The following C10orf67 variants were observed in gnomAD, a reference collection of about 807,000 sequenced individuals.
C10orf67 encodes chromosome 10 open reading frame 67.
Under a neutral mutation model 35.6 loss-of-function variants are expected in C10orf67, and 60 were observed. The observed-to-expected ratio is 1.68, with a 90% CI of 1.37 to 2.09. The LOEUF (loss-of-function observed/expected upper bound fraction) is 2.09. C10orf67 is among the 30% of genes most tolerant of loss of function. The probability of loss-of-function intolerance (pLI) is 0.00; values close to 1 mark genes in which losing one functional copy is unlikely to be tolerated. For synonymous variants in C10orf67, 167 were observed against 115.8 expected, an observed-to-expected ratio of 1.44 and a Z score of -2.84; for missense variants, 474 against 330.2, an observed-to-expected ratio of 1.44 and a Z score of -3.38.
intron 7 of C10orf67, among the ~76,000 whole-genome samples, chr10:23,283,977 G>A (rs1183937691): frequency 6.6e-6 from 1 of 151,900 alleles, no homozygotes; most frequent in Admixed American, 6.6e-5. Context: ...AGATACAGCT[G>A]GTATTTGATT....
At chr10:23,223,473 G>A in intron 15 of C10orf67, 125 bp downstream of exon 15, 1 of 659,020 alleles carries the variant, frequency 1.5e-6, no homozygotes, top group Non-Finnish European at 2.7e-6. Context: ...TTATAAAGTG[G>A]CTGAAAAAAG....
chr10:23,293,885 C>T (rs1843797577), intron 5 of C10orf67, among the ~76,000 whole-genome samples: 1 of 152,216 alleles, frequency 6.6e-6, no homozygotes, highest in Non-Finnish European at 1.5e-5. Context: ...CTCAGCATCA[C>T]CTGGGAACTG....
chr10:23,213,653 A>G (rs752601225), intron 15 of C10orf67, among the ~76,000 whole-genome samples: 5 of 152,212 alleles, frequency 3.3e-5, no homozygotes, highest in African/African-American at 7.2e-5. Context: ...ACTTCTAAAC[A>G]TACACATATA....
At chr10:23,271,319 T>G (rs1160113427) in intron 8 of C10orf67, among the ~76,000 whole-genome samples, 1 of 152,252 alleles carries the variant, frequency 6.6e-6, no homozygotes. Flanking sequence ...GCTCTATCTA[T>G]TAATGTATAC....
intron 7 of C10orf67, among the ~76,000 whole-genome samples, chr10:23,288,643 T>C (rs1843618274): frequency 6.6e-6 from 1 of 152,152 alleles, no homozygotes; most frequent in Non-Finnish European, 1.5e-5. Context: ...ATATCTTGAA[T>C]GGCAATATCA....
rs765022976 is a variant in C10orf67 at position 23,239,824 on chromosome 10, T to G, written c.1347-8A>C. 3.3e-6 allele frequency: 2 copies of G among 610,112 alleles called. No homozygotes were observed. Among genetic ancestry groups the G allele is most frequent in the African/African-American group, 1.8e-5 (1 of 56,310 alleles). The allele number at this position is 610,112 out of a possible 1,614,324, so 37.8% of individuals were successfully genotyped here. A position where few individuals can be genotyped will look rare whatever the true frequency, so the allele number is the denominator to read the frequency against. ...TTCTTAAGGACATGAAAGCTGAAATTTTAAAAATGATGAAACTTAAAATGT... is the reference window on the plus strand; with the variant it reads ...TTCTTAAGGACATGAAAGCTGAAATGTTAAAAATGATGAAACTTAAAATGT... On this transcript the variant is annotated splice_polypyrimidine_tract_variant and splice_region_variant and intron_variant, in intron 12 of 15. Coordinates refer to ENST00000636213, the MANE Select transcript of C10orf67 (RefSeq NM_001371909.1).
chr10:23,308,947 C>T (rs760786580), intron 4 of C10orf67, among the ~76,000 whole-genome samples: 7 of 152,098 alleles, frequency 4.6e-5, no homozygotes, highest in African/African-American at 1.7e-4. Flanking sequence ...CACCCACCCA[C>T]CTTCCACCCC....
chr10:23,226,333 A>G (rs1034761381), intron 13 of C10orf67, among the ~76,000 whole-genome samples: 2 of 152,208 alleles, frequency 1.3e-5, no homozygotes, highest in African/African-American at 2.4e-5. Flanking sequence ...CTGCTCCTGG[A>G]TGACTACTGG....
At chr10:23,249,131 C>CAAAAAAAAAAAAAAAAAAAAAAAAA (rs57702096) in intron 12 of C10orf67, among the ~76,000 whole-genome samples, 1 of 21,548 alleles carries the variant, frequency 4.6e-5, no homozygotes, top group Non-Finnish European at 9.8e-5. Context: ...AACTCCCTCT[C>CAAAAAAAAAAAAAAAAAAAAAAAAA]AAAAAAAAAA....
intron 8 of C10orf67, among the ~76,000 whole-genome samples, chr10:23,273,765 G>C (rs529249281): frequency 6.6e-6 from 1 of 152,180 alleles, no homozygotes. Context: ...GGCATATATT[G>C]CCAGTTCCTT....
At chr10:23,244,573 A>G (rs1842268223) in intron 12 of C10orf67, among the ~76,000 whole-genome samples, 1 of 152,218 alleles carries the variant, frequency 6.6e-6, no homozygotes, top group Admixed American at 6.5e-5. Context: ...CTATCCAAAA[A>G]GAAATTTTTT....
chr10:23,254,053 T>TG (rs1312860107), intron 10 of C10orf67, among the ~76,000 whole-genome samples: 2 of 152,232 alleles, frequency 1.3e-5, no homozygotes, highest in African/African-American at 4.8e-5. Flanking sequence ...GGTCTTTATG[T>TG]GGTCACTTCA....
Position 23,337,310 on chromosome 10 carries a change from G to C in C10orf67, c.207-4128C>G, listed in dbSNP as rs76710491. 1.4e-4 allele frequency among the ~76,000 whole-genome samples: 22 copies of C among 152,324 alleles called. No individual in the cohort carries two copies. In the East Asian group the frequency reaches 4.1e-3, roughly 28 times the overall value. On this transcript the variant is annotated intron_variant, in intron 1 of 15. Transcript: ENST00000636213. ...GCACTTTGGGAGGCTGAGGTGGGTG[G>C]GTCACTTGAGCTTAGGAGTTCGAGA...
Position 23,322,531 on chromosome 10 carries a change from T to C in C10orf67, c.334A>G (p.Lys112Glu). The part of the protein sequence containing the change: ...SSTQKLAQMM[K>E]SLQVDFGFLK... ...AACCCAAAATCTACCTGGAGGGATT[T>C]CATCATCTAAAAATGGAAAATATTA... Residue 112 changes from lysine to glutamate, a missense_variant, in exon 3 of 16, where the codon AAA (lysine) becomes GAA (glutamate). Coordinates refer to ENST00000636213, the MANE Select transcript of C10orf67 (RefSeq NM_001371909.1). 1 of 1,599,802 alleles carries C rather than the reference T, an allele frequency of 6.3e-7. No homozygotes were observed. The highest frequency in any genetic ancestry group is 1.3e-5 in the African/African-American group (1 of 74,598).
chr10:23,296,827 G>C (rs1312578960), intron 5 of C10orf67, among the ~76,000 whole-genome samples: 1 of 152,320 alleles, frequency 6.6e-6, no homozygotes, highest in South Asian at 2.1e-4. Context: ...GGATTGAAAT[G>C]TATGGCCTGC....
At chr10:23,223,084 T>G (rs1841629685) in intron 15 of C10orf67, among the ~76,000 whole-genome samples, 1 of 152,036 alleles carries the variant, frequency 6.6e-6, no homozygotes, top group South Asian at 2.1e-4. Context: ...TAACTATTTT[T>G]TTTTTTAAAT....
intron 1 of C10orf67, among the ~76,000 whole-genome samples, chr10:23,341,211 G>A (rs1404320162): frequency 6.6e-6 from 1 of 152,132 alleles, no homozygotes; most frequent in South Asian, 2.1e-4. Context: ...TGATACAGCC[G>A]AGCTGAACCT....
At chr10:23,344,240 G>A in intron 1 of C10orf67, 1 of 323,140 alleles carries the variant, frequency 3.1e-6, no homozygotes. Flanking sequence ...AAGGGGAGAG[G>A]GAAAGGAAGT....
At position 23,295,126 on chromosome 10, in the gene C10orf67, C is replaced by T. The variant is rs189994371; in HGVS notation, c.703-3847G>A. 3.9e-5 allele frequency among the ~76,000 whole-genome samples: 6 copies of T among 152,304 alleles called. No individual in the cohort carries two copies. The East Asian group carries it at 1.2e-3, about 29-fold the overall frequency. On this transcript the variant is annotated intron_variant, in intron 5 of 15. Transcript: ENST00000636213. ...GGAGAAATCCATACACCCCGTTAAT[C>T]AGAATCACCTCACCTTCCTCAAATA...
Sources: allele counts gnomAD v4.1 joint callset (sites outside exome capture counted in the v4.1 genomes callset), GRCh38; gene constraint gnomAD v4.1.1; transcripts MANE v1.5; gene names NCBI Gene and HGNC (gene_info 2026-07-23, HGNC 2026-07-21).